ANK3: variants seen among roughly 807,000 people sequenced by gnomAD.
ANK3 encodes the protein ankyrin 3.
In ANK3, 57 loss-of-function variants were observed where a neutral mutation model predicts 370.9. The ratio of observed to expected loss-of-function variants is 0.15; its 90% confidence interval spans 0.12 to 0.19. ANK3 has a LOEUF of 0.19. Among genes scored for constraint, ANK3 ranks in the 10% least tolerant of loss-of-function variants. ANK3 has a pLI of 1.00. For synonymous variants in ANK3, 1,929 were observed against 1,946.3 expected (o/e 0.99, Z 0.23); for missense variants, 4,439 against 5,302.1 (o/e 0.84, Z 5.06).
chr10:60,695,839 G>T (rs1453070719), intron 1 of ANK3, among the ~76,000 whole-genome samples: 1 of 151,950 alleles, frequency 6.6e-6, no homozygotes. Context: ...ACAATTAAAA[G>T]AACTAGAAAA....
At chr10:60,351,558 C>T (rs749177487) in intron 1 of ANK3, among the ~76,000 whole-genome samples, 4 of 152,214 alleles carry the variant, frequency 2.6e-5, no homozygotes, top group Non-Finnish European at 5.9e-5. Context: ...AAAGACTACT[C>T]ATTTGCATTT....
At chr10:60,367,075 T>C (rs1203258663) in intron 1 of ANK3, among the ~76,000 whole-genome samples, 1 of 152,118 alleles carries the variant, frequency 6.6e-6, no homozygotes, top group African/African-American at 2.4e-5. Context: ...AATTTTCTGT[T>C]ACACTTAAGT....
intron 4 of ANK3, among the ~76,000 whole-genome samples, chr10:60,271,813 T>A (rs535519914): frequency 6.6e-6 from 1 of 151,528 alleles, no homozygotes; most frequent in African/African-American, 2.4e-5. Context: ...CGATGCCACA[T>A]AACAAATCCA....
At chr10:60,368,958 T>G (rs1056661408) in intron 1 of ANK3, among the ~76,000 whole-genome samples, 2 of 152,166 alleles carry the variant, frequency 1.3e-5, no homozygotes, top group Non-Finnish European at 2.9e-5. Flanking sequence ...TAGAAGGGAA[T>G]AAAGGAACTT....
chr10:60,306,324 G>C (rs1334784417), intron 1 of ANK3, among the ~76,000 whole-genome samples: 1 of 151,774 alleles, frequency 6.6e-6, no homozygotes, highest in African/African-American at 2.4e-5. Context: ...TTCCATTCTT[G>C]AGTTACTTCA....
At chr10:60,507,130 C>T (rs2075961039) in intron 2 of ANK3, among the ~76,000 whole-genome samples, 1 of 152,054 alleles carries the variant, frequency 6.6e-6, no homozygotes, top group African/African-American at 2.4e-5. Context: ...GGAAACATCA[C>T]ATCGTGCCTT....
chr10:60,214,181 G>A (rs949517110), intron 8 of ANK3, among the ~76,000 whole-genome samples: 2 of 151,926 alleles, frequency 1.3e-5, no homozygotes, highest in East Asian at 1.9e-4. Flanking sequence ...CTTTTTTCAC[G>A]ACTAGTTTAT....
intron 1 of ANK3, among the ~76,000 whole-genome samples, chr10:60,635,607 G>A (rs1588951007): frequency 6.6e-6 from 1 of 151,896 alleles, no homozygotes; most frequent in African/African-American, 2.4e-5. Context: ...CTATGAGGAG[G>A]TATTTGCCCA....
chr10:60,055,578 G>A (rs1589328096), intron 42 of ANK3, 80 bp downstream of exon 42: 9 of 1,481,856 alleles, frequency 6.1e-6, no homozygotes, highest in East Asian at 2.3e-5. Flanking sequence ...TTGGGCCCCC[G>A]GCTGCAAGAT....
At chr10:60,211,892 C>CAAAAAAAAAAAAAAAAAAAAGAAAA (rs2096860910) in intron 9 of ANK3, among the ~76,000 whole-genome samples, 1 of 93,400 alleles carries the variant, frequency 1.1e-5, no homozygotes, top group African/African-American at 4.8e-5. Flanking sequence ...AATACAGAGC[C>CAAAAAAAAAAAAAAAAAAAAGAAAA]AAAAAAAAAA....
chr10:60,556,775 A>G (rs757080642), intron 2 of ANK3, among the ~76,000 whole-genome samples: 51 of 152,344 alleles, frequency 3.3e-4, no homozygotes, highest in Middle Eastern at 3.4e-3. Flanking sequence ...TAAGTTAAAC[A>G]TGGAAGTATA....
intron 1 of ANK3, among the ~76,000 whole-genome samples, chr10:60,727,054 T>C (rs1417049789): frequency 1.3e-5 from 2 of 152,120 alleles, no homozygotes; most frequent in Non-Finnish European, 2.9e-5. Context: ...AGGTAAGACA[T>C]GAATATTTTC....
intron 2 of ANK3, among the ~76,000 whole-genome samples, chr10:60,526,471 A>C (rs2076473975): frequency 6.6e-6 from 1 of 152,128 alleles, no homozygotes; most frequent in African/African-American, 2.4e-5. Context: ...ACATTCTTTG[A>C]ATTTTACAGT....
intron 7 of ANK3, among the ~76,000 whole-genome samples, chr10:60,244,392 T>C (rs116441794): frequency 1.1e-3 from 161 of 152,326 alleles, no homozygotes; most frequent in African/African-American, 3.8e-3. Context: ...GATTAACTTA[T>C]ACAGCCTTTT....
At chr10:60,506,454 G>A (rs1332896247) in intron 2 of ANK3, among the ~76,000 whole-genome samples, 1 of 152,052 alleles carries the variant, frequency 6.6e-6, no homozygotes, top group Non-Finnish European at 1.5e-5. Context: ...TCAAAAATGT[G>A]TTATGATGTG....
intron 1 of ANK3, among the ~76,000 whole-genome samples, chr10:60,714,725 T>C (rs1430258097): frequency 6.6e-6 from 1 of 152,142 alleles, no homozygotes; most frequent in Non-Finnish European, 1.5e-5. Context: ...TTCCTCAACT[T>C]GATAAAGAAT....
intron 1 of ANK3, among the ~76,000 whole-genome samples, chr10:60,372,982 A>G (rs977794772): frequency 1.3e-5 from 2 of 152,260 alleles, no homozygotes; most frequent in African/African-American, 4.8e-5. Context: ...AGGCATGATC[A>G]GTAGATTTTT....
chr10:60,335,301 AG>A (rs1295639214), intron 1 of ANK3, among the ~76,000 whole-genome samples: 1 of 152,126 alleles, frequency 6.6e-6, no homozygotes, highest in Non-Finnish European at 1.5e-5. Flanking sequence ...CTAGAAAAAA[AG>A]TTTTTGTTTT....
chr10:60,592,027 A>G (rs1241502832), intron 2 of ANK3, among the ~76,000 whole-genome samples: 2 of 152,200 alleles, frequency 1.3e-5, no homozygotes, highest in African/African-American at 4.8e-5. Flanking sequence ...CAACAGGGTG[A>G]CTATAGTCAA....
Sources: allele counts gnomAD v4.1 joint callset (sites outside exome capture counted in the v4.1 genomes callset), GRCh38; gene constraint gnomAD v4.1.1; transcripts MANE v1.5; gene names NCBI Gene and HGNC (gene_info 2026-07-23, HGNC 2026-07-21).